Variants in THSD7A observed in about 807,000 individuals in gnomAD.
THSD7A encodes thrombospondin type 1 domain containing 7A, also known as thrombospondin type-1 domain-containing protein 7A.
A neutral mutation model predicts 231.3 loss-of-function variants in THSD7A; 96 were observed. The ratio of observed to expected loss-of-function variants is 0.41; its 90% CI spans 0.35 to 0.49. THSD7A has a LOEUF of 0.49. THSD7A is among the 20% of genes least tolerant of loss of function. THSD7A has a pLI of 0.05. For missense variants in THSD7A, 2,290 were observed against 2,070.2 expected (o/e 1.11, Z -2.06); for synonymous variants, 940 against 743.3 (o/e 1.26, Z -4.30).
chr7:11,587,093 G>A (rs553358544), intron 4 of THSD7A, among the ~76,000 whole-genome samples: 3 of 152,122 alleles, frequency 2.0e-5, no homozygotes, highest in Non-Finnish European at 2.9e-5. Flanking sequence ...AGAATTTCTT[G>A]AGTTACTGTA....
At chr7:11,538,812 C>A (rs1242363805) in intron 6 of THSD7A, among the ~76,000 whole-genome samples, 2 of 152,052 alleles carry the variant, frequency 1.3e-5, no homozygotes, top group African/African-American at 4.8e-5. Flanking sequence ...CTCTTACAAC[C>A]CTCCCCAAGC....
At chr7:11,489,693 C>A (rs1016023251) in intron 6 of THSD7A, among the ~76,000 whole-genome samples, 1 of 151,968 alleles carries the variant, frequency 6.6e-6, no homozygotes, top group African/African-American at 2.4e-5. Context: ...CACCCCACCC[C>A]CTAACGTCCT....
In THSD7A at chr7:11,447,371, G is replaced by A; in HGVS notation, c.2659C>T (p.Gln887Ter). Residue 887 changes from glutamine (Q) to a stop codon, truncating the protein, a stop_gained, in exon 12 of 28, where the codon CAG (glutamine) becomes TAG (stop). Transcript: ENST00000423059. LOFTEE classifies it high-confidence loss of function. The part of the protein sequence containing the change: ...GGQAGIHECL[Q>*]YAGPVPALTQ... ...AGGGCTGGCACAGGGCCTGCATACT[G>A]TAGGCACTCATGGATTCCAGCCTGT... 1 of 1,609,106 alleles carries A rather than the reference G, an allele frequency of 6.2e-7. No individual in the cohort carries two copies. The highest frequency in any genetic ancestry group is 2.2e-5 in the East Asian group (1 of 44,582).
chr7:11,583,063 T>G (rs1432770077), intron 4 of THSD7A, among the ~76,000 whole-genome samples: 3 of 152,066 alleles, frequency 2.0e-5, no homozygotes, highest in Non-Finnish European at 4.4e-5. Context: ...AATATTCAAT[T>G]ATTTCCTTAT....
chr7:11,622,033 G>A (rs4530932), intron 2 of THSD7A, among the ~76,000 whole-genome samples: 56 of 152,096 alleles, frequency 3.7e-4, no homozygotes, highest in African/African-American at 1.2e-3. Flanking sequence ...AGAATTTAAA[G>A]CAGTTTTTCT....
At chr7:11,694,206 C>CT (rs1780319749) in intron 1 of THSD7A, among the ~76,000 whole-genome samples, 1 of 151,374 alleles carries the variant, frequency 6.6e-6, no homozygotes, top group Admixed American at 6.6e-5. Context: ...TCATTTTGGA[C>CT]TTTTTTACAA....
intron 1 of THSD7A, among the ~76,000 whole-genome samples, chr7:11,757,662 G>C (rs2128166901): frequency 6.6e-6 from 1 of 151,986 alleles, no homozygotes; most frequent in East Asian, 1.9e-4. Context: ...AGGTATTTAA[G>C]AAAAGTAACT....
chr7:11,726,844 C>T (rs891166261), intron 1 of THSD7A, among the ~76,000 whole-genome samples: 1 of 151,900 alleles, frequency 6.6e-6, no homozygotes, highest in Non-Finnish European at 1.5e-5. Flanking sequence ...TACCGCATCC[C>T]TAGTGGGTCT....
intron 24 of THSD7A, among the ~76,000 whole-genome samples, chr7:11,380,820 T>C (rs1378046865): frequency 6.6e-6 from 1 of 152,170 alleles, no homozygotes; most frequent in Non-Finnish European, 1.5e-5. Flanking sequence ...ACATTGGCCT[T>C]TTGGTACTGA....
intron 1 of THSD7A, among the ~76,000 whole-genome samples, chr7:11,765,220 T>C (rs1276548942): frequency 6.6e-6 from 1 of 152,170 alleles, no homozygotes; most frequent in Non-Finnish European, 1.5e-5. Context: ...AGGAGAAAAA[T>C]AAACTTTATT....
chr7:11,402,797 T>C (rs1238075456), intron 22 of THSD7A, among the ~76,000 whole-genome samples: 1 of 152,218 alleles, frequency 6.6e-6, no homozygotes, highest in Non-Finnish European at 1.5e-5. Context: ...TATGAAGTTC[T>C]AATTTCTTCA....
At chr7:11,730,132 T>G (rs1207300240) in intron 1 of THSD7A, among the ~76,000 whole-genome samples, 1 of 151,722 alleles carries the variant, frequency 6.6e-6, no homozygotes, top group East Asian at 1.9e-4. Context: ...TGTGAAATTA[T>G]TTTGCACACA....
chr7:11,487,649 T>C (rs1413046888), intron 6 of THSD7A, among the ~76,000 whole-genome samples: 1 of 152,006 alleles, frequency 6.6e-6, no homozygotes, highest in South Asian at 2.1e-4. Flanking sequence ...CTCACAATCA[T>C]GGTAGAAGAC....
At chr7:11,651,287 G>A (rs1452801710) in intron 1 of THSD7A, among the ~76,000 whole-genome samples, 2 of 152,106 alleles carry the variant, frequency 1.3e-5, no homozygotes, top group South Asian at 4.1e-4. Context: ...AGGTGAAGAA[G>A]GATATGGGAA....
chr7:11,831,776 G>T lies in THSD7A; in HGVS notation c.171C>A (p.Thr57=). The T allele has an allele frequency of 6.8e-7, 1 of 1,480,916 alleles. No individual in the cohort carries two copies. The highest frequency in any genetic ancestry group is 9.0e-7 in the Non-Finnish European group (1 of 1,112,368). 91.7% of individuals were successfully genotyped at this position (1,480,916 alleles called of 1,614,324 possible). A position where few individuals can be genotyped will look rare whatever the true frequency, so the allele number is the denominator to read the frequency against. Residue 57 remains threonine (T), a synonymous_variant, in exon 1 of 28, where the codon ACC becomes ACA. Transcript: ENST00000423059. The surrounding 1 kb of genome is among the most constrained non-coding windows in gnomAD (Gnocchi z 5.0). ...AAAQGEAEAP[T]LYLWKTGPWG... ...ACTTACCAGTCTTCCACAGATAGAGGGTGGGCGCCTCCGCCTCGCCCTGCG... is the reference window on the plus strand; with the variant it reads ...ACTTACCAGTCTTCCACAGATAGAGTGTGGGCGCCTCCGCCTCGCCCTGCG...
At chr7:11,735,275 G>A (rs1526534) in intron 1 of THSD7A, among the ~76,000 whole-genome samples, 83,787 of 151,010 alleles carry the variant, frequency 0.55, 23,437 homozygotes, top group Non-Finnish European at 0.6. Flanking sequence ...CATTTTACCC[G>A]TATATTAAAG....
At chr7:11,672,258 C>T (rs763045292) in intron 1 of THSD7A, among the ~76,000 whole-genome samples, 1 of 152,026 alleles carries the variant, frequency 6.6e-6, no homozygotes, top group Non-Finnish European at 1.5e-5. Flanking sequence ...TTGTTGCTGA[C>T]TCAGGATGTA....
At chr7:11,500,206 A>T (rs1205001334) in intron 6 of THSD7A, among the ~76,000 whole-genome samples, 1 of 152,204 alleles carries the variant, frequency 6.6e-6, no homozygotes, top group Non-Finnish European at 1.5e-5. Context: ...TTCAACTAAC[A>T]CTTTCAAATC....
chr7:11,618,661 G>A (rs1416126464), intron 2 of THSD7A, among the ~76,000 whole-genome samples: 2 of 151,920 alleles, frequency 1.3e-5, no homozygotes, highest in Non-Finnish European at 2.9e-5. Context: ...TTAGCCGGGC[G>A]CCTGTAGTCC....
Sources: gnomAD v4.1 joint callset for allele counts (sites outside exome capture counted in the v4.1 genomes callset) on GRCh38, gnomAD v4.1.1 for gene constraint, Gnocchi (gnomAD v3.1) non-coding constraint, MANE v1.5 for transcripts, NCBI Gene and HGNC (gene_info 2026-07-23, HGNC 2026-07-21) for gene names.